RABEP1: variants seen among roughly 807,000 people sequenced by gnomAD.
RABEP1 encodes rabaptin, RAB GTPase binding effector protein 1, also known as rab GTPase-binding effector protein 1.
A neutral mutation model predicts 123.4 loss-of-function variants in RABEP1; 51 were observed. The observed-to-expected ratio is 0.41, with a 90% CI of 0.33 to 0.52. RABEP1 has a LOEUF of 0.52. Ranked by LOEUF, RABEP1 falls within the 20% of genes least tolerant of loss-of-function variation. The probability of loss-of-function intolerance (pLI) is 0.16; values close to 1 mark genes in which losing one functional copy is unlikely to be tolerated. For missense variants in RABEP1, 888 were observed against 996.3 expected (o/e 0.89, Z 1.46); for synonymous variants, 347 against 355.2 (o/e 0.98, Z 0.26).
intron 1 of RABEP1, among the ~76,000 whole-genome samples, chr17:5,308,114 A>C (rs951821733): frequency 6.6e-6 from 1 of 152,128 alleles, no homozygotes; most frequent in Non-Finnish European, 1.5e-5. Flanking sequence ...GCACAAAGGC[A>C]CTTTAGAAGC....
chr17:5,283,187 T>C (rs1006619749), intron 1 of RABEP1, among the ~76,000 whole-genome samples: 1 of 151,990 alleles, frequency 6.6e-6, no homozygotes, highest in East Asian at 1.9e-4. Context: ...TCTATAAAAA[T>C]AGCAACACGA....
chr17:5,313,747 G>A (rs892092024), intron 2 of RABEP1, among the ~76,000 whole-genome samples: 1 of 152,138 alleles, frequency 6.6e-6, no homozygotes, highest in African/African-American at 2.4e-5. Flanking sequence ...TGGCCACAGC[G>A]AACAGTTGGG....
chr17:5,346,969 T>C (rs1264770717), intron 6 of RABEP1, 44 bp downstream of exon 6: 1 of 1,456,522 alleles, frequency 6.9e-7, no homozygotes, highest in Non-Finnish European at 9.2e-7. Flanking sequence ...AAGAACCATA[T>C]AAGTTAAATT....
At chr17:5,363,161 A>G in intron 10 of RABEP1, 145 bp downstream of exon 10, 1 of 635,416 alleles carries the variant, frequency 1.6e-6, no homozygotes, top group Non-Finnish European at 2.8e-6. Context: ...TGGTACATGC[A>G]ATGGCAGTTA....
intron 2 of RABEP1, among the ~76,000 whole-genome samples, chr17:5,316,371 AC>A (rs1381302008): frequency 7.5e-6 from 1 of 133,330 alleles, no homozygotes; most frequent in Non-Finnish European, 1.6e-5. Flanking sequence ...AATGGCTTGA[AC>A]CCGGGAGGTG....
chr17:5,336,623 A>T (rs910232127), intron 4 of RABEP1: 2 of 372,044 alleles, frequency 5.4e-6, no homozygotes, highest in Non-Finnish European at 1.0e-5. Context: ...GGTTTTGTTT[A>T]TGATGACATT....
chr17:5,288,814 G>C (rs538815065), intron 1 of RABEP1, among the ~76,000 whole-genome samples: 12 of 151,828 alleles, frequency 7.9e-5, no homozygotes, highest in South Asian at 2.1e-4. Context: ...GGCGATTCTC[G>C]TGCCTCAGCC....
chr17:5,295,189 C>T (rs2075071170), intron 1 of RABEP1, among the ~76,000 whole-genome samples: 1 of 151,540 alleles, frequency 6.6e-6, no homozygotes, highest in Non-Finnish European at 1.5e-5. Context: ...CGAGACCAGC[C>T]TGACCAACAT....
intron 16 of RABEP1, 99 bp from the exon 17 acceptor site, chr17:5,381,290 C>T (rs776333931): frequency 2.0e-6 from 3 of 1,519,784 alleles, no homozygotes; most frequent in Non-Finnish European, 2.6e-6. Flanking sequence ...GATATCCACC[C>T]ACCTTTCTGC....
At chr17:5,311,188 C>G (rs1165922669) in intron 2 of RABEP1, among the ~76,000 whole-genome samples, 1 of 152,148 alleles carries the variant, frequency 6.6e-6, no homozygotes, top group African/African-American at 2.4e-5. Context: ...CGCTGACTCA[C>G]TAGGGCACTG....
chr17:5,358,072 GGTTT>G (rs1909183312), intron 8 of RABEP1, among the ~76,000 whole-genome samples: 1 of 152,080 alleles, frequency 6.6e-6, no homozygotes, highest in Admixed American at 6.6e-5. Context: ...GGGATTGAAT[GGTTT>G]GTGTGTGAAA....
At chr17:5,289,590 G>C (rs1324525822) in intron 1 of RABEP1, among the ~76,000 whole-genome samples, 2 of 151,760 alleles carry the variant, frequency 1.3e-5, no homozygotes, top group African/African-American at 4.8e-5. Context: ...TTAAATTAGA[G>C]AAGTTTAATA....
At chr17:5,322,006 C>T (rs1905413136) in intron 2 of RABEP1, among the ~76,000 whole-genome samples, 2 of 152,234 alleles carry the variant, frequency 1.3e-5, no homozygotes, top group Admixed American at 6.5e-5. Context: ...CAAGACCAGC[C>T]TGGCCAACAT....
rs1442354766 is a variant in RABEP1 at position 5,373,274 on chromosome 17, C to G, written c.1885-40C>G. 4 of 1,593,458 alleles carry G rather than the reference C, an allele frequency of 2.5e-6. No homozygotes were observed. The African/African-American group carries it at 5.4e-5, about 21-fold the overall frequency. ...TGGTGTAGCTATCACCAGACCGGAT[C>G]TACCTTTCTGGCTGTGATTAGTATC... On this transcript the variant is annotated intron_variant, in intron 12 of 17. Transcript: ENST00000537505.
Position 5,317,626 on chromosome 17 carries a change from G to GATAT in RABEP1, c.163+8823_163+8826dup, listed in dbSNP as rs56165368. ...AAGGAAAGGAATCCATACTGGAAAGGATATATATATATATATATATATGTA... is the reference window on the plus strand; with the variant it reads ...AAGGAAAGGAATCCATACTGGAAAGGATATATATATATATATATATATATATGTA... On this transcript the variant is annotated intron_variant, in intron 2 of 17. Transcript: ENST00000537505. 1.1e-3 allele frequency among the ~76,000 whole-genome samples: 160 copies of GATAT among 149,590 alleles called. 2 individuals are homozygous for GATAT. The highest frequency in any genetic ancestry group is 3.4e-3 in the African/African-American group (138 of 40,738).
At chr17:5,329,844 T>TATATAA (rs1040436033) in intron 2 of RABEP1, among the ~76,000 whole-genome samples, 9 of 147,692 alleles carry the variant, frequency 6.1e-5, no homozygotes, top group African/African-American at 1.7e-4. Flanking sequence ...TATATATATA[T>TATATAA]AACTAAAGTT....
chr17:5,299,719 C>CTTTTTTTTTTTTTTTTTTTTT lies in RABEP1; in HGVS notation c.35-8970_35-8969insTTTTTTTTTTTTTTTTTTTTT, dbSNP rs146585957. Among the ~76,000 whole-genome samples, 95 of 98,806 alleles carry CTTTTTTTTTTTTTTTTTTTTT rather than the reference C, an allele frequency of 9.6e-4. 9 individuals are homozygous for CTTTTTTTTTTTTTTTTTTTTT. Among genetic ancestry groups the CTTTTTTTTTTTTTTTTTTTTT allele is most frequent in the Non-Finnish European group, 1.3e-3 (67 of 52,594 alleles). The allele number at this position is 98,806 out of a possible 152,430, so 64.8% of individuals were successfully genotyped here. ...TCATTTCTTTTTCTTTTTTTCTTTT[C>CTTTTTTTTTTTTTTTTTTTTT]TTTTTCTTTTTCTTTTTTTTTTTTT... On this transcript the variant is annotated intron_variant, in intron 1 of 17. Coordinates refer to ENST00000537505, the MANE Select transcript of RABEP1 (RefSeq NM_004703.6).
intron 5 of RABEP1, 151 bp from the exon 6 acceptor site, chr17:5,346,639 A>G (rs1908089370): frequency 2.5e-6 from 1 of 393,418 alleles, no homozygotes; most frequent in Non-Finnish European, 4.2e-6. Flanking sequence ...TATAGTACAT[A>G]TTTTATAATT....
chr17:5,363,007 G>T lies in RABEP1; in HGVS notation c.1659G>T (p.Thr553=). Residue 553 remains threonine, a synonymous_variant, in exon 10 of 18, where the codon ACG becomes ACT. Coordinates refer to ENST00000537505, the MANE Select transcript of RABEP1 (RefSeq NM_004703.6). ...GAATTCAGATTCAGGAGGCTGAAACGAGAGACCAGGTGAGTTTCTTCTGGA... is the reference window on the plus strand; with the variant it reads ...GAATTCAGATTCAGGAGGCTGAAACTAGAGACCAGGTGAGTTTCTTCTGGA... ...LQGIQIQEAE[T]RDQVKKLQLM... is the part of the protein sequence containing the mutation. The T allele has an allele frequency of 1.9e-6, 3 of 1,610,518 alleles. No individual in the cohort carries two copies. Among genetic ancestry groups the T allele is most frequent in the Non-Finnish European group, 2.5e-6 (3 of 1,176,754 alleles).
Sources: allele counts gnomAD v4.1 joint callset (sites outside exome capture counted in the v4.1 genomes callset), GRCh38; gene constraint gnomAD v4.1.1; transcripts MANE v1.5; gene names NCBI Gene and HGNC (gene_info 2026-07-23, HGNC 2026-07-21).